The following SLC16A9 variants were observed in gnomAD, a reference collection of about 807,000 sequenced individuals.
The protein encoded by SLC16A9 is monocarboxylate transporter 9.
In SLC16A9, 26 loss-of-function variants were observed where a neutral mutation model predicts 44.3. The ratio of observed to expected loss-of-function variants is 0.59; its 90% CI spans 0.43 to 0.81. The LOEUF (loss-of-function observed/expected upper bound fraction) is 0.81. Among genes scored for constraint, SLC16A9 ranks in the 40% least tolerant of loss-of-function variants. The pLI is 0.00. For synonymous variants in SLC16A9, 230 were observed against 225.1 expected (o/e 1.02, Z -0.19); for missense variants, 559 against 595.8 (o/e 0.94, Z 0.64).
intron 1 of SLC16A9, among the ~76,000 whole-genome samples, chr10:59,689,467 A>G (rs1840207161): frequency 6.6e-6 from 1 of 152,200 alleles, no homozygotes; most frequent in Non-Finnish European, 1.5e-5. Flanking sequence ...AACCCAAGAG[A>G]AGCCAGTAGG....
chr10:59,690,354 G>A (rs1043020638), intron 1 of SLC16A9, among the ~76,000 whole-genome samples: 1 of 152,160 alleles, frequency 6.6e-6, no homozygotes, highest in African/African-American at 2.4e-5. Context: ...ATGTGTACAT[G>A]GGAAGGTGTG....
intron 1 of SLC16A9, among the ~76,000 whole-genome samples, chr10:59,689,694 G>A (rs955584245): frequency 2.6e-5 from 4 of 152,056 alleles, no homozygotes; most frequent in Non-Finnish European, 4.4e-5. Flanking sequence ...TTAAGTTATC[G>A]GTACTCATTT....
At chr10:59,661,001 T>A (rs1287300567) in intron 4 of SLC16A9, among the ~76,000 whole-genome samples, 1 of 152,134 alleles carries the variant, frequency 6.6e-6, no homozygotes, top group African/African-American at 2.4e-5. Context: ...ATGGAACATA[T>A]CTCAAAATAA....
intron 1 of SLC16A9, among the ~76,000 whole-genome samples, chr10:59,687,213 CCTT>C (rs1234572219): frequency 6.6e-6 from 1 of 152,126 alleles, no homozygotes; most frequent in Non-Finnish European, 1.5e-5. Flanking sequence ...CCCCTAATTT[CCTT>C]CTTTTGTCTT....
At chr10:59,704,637 G>A (rs1372307519) in intron 1 of SLC16A9, among the ~76,000 whole-genome samples, 1 of 152,180 alleles carries the variant, frequency 6.6e-6, no homozygotes, top group Non-Finnish European at 1.5e-5. Context: ...GTGAGGGCCA[G>A]ACACTGAGAT....
intron 1 of SLC16A9, among the ~76,000 whole-genome samples, chr10:59,694,603 C>T (rs1840327827): frequency 6.6e-6 from 1 of 151,110 alleles, no homozygotes; most frequent in Non-Finnish European, 1.5e-5. Context: ...GAGTTTAAGA[C>T]CAGCCTGGCC....
intron 1 of SLC16A9, among the ~76,000 whole-genome samples, chr10:59,702,165 A>C (rs1258145900): frequency 6.6e-6 from 1 of 152,228 alleles, no homozygotes; most frequent in East Asian, 1.9e-4. Context: ...AAATGAACTG[A>C]GTGCATTTAG....
intron 3 of SLC16A9, among the ~76,000 whole-genome samples, chr10:59,666,310 A>G (rs866348578): frequency 4.6e-5 from 7 of 151,982 alleles, no homozygotes; most frequent in African/African-American, 9.7e-5. Flanking sequence ...AAAAAAAAAA[A>G]AAAAGAAAAG....
intron 1 of SLC16A9, among the ~76,000 whole-genome samples, chr10:59,696,836 C>G (rs1390950191): frequency 1.3e-5 from 2 of 151,866 alleles, no homozygotes; most frequent in South Asian, 4.2e-4. Flanking sequence ...GGCAGCCACA[C>G]CGTCTGAGAA....
chr10:59,662,980 T>A (rs1839516528), intron 4 of SLC16A9, among the ~76,000 whole-genome samples: 1 of 152,180 alleles, frequency 6.6e-6, no homozygotes, highest in African/African-American at 2.4e-5. Context: ...CACATGCACA[T>A]GTATGTTTAT....
At chr10:59,692,500 G>A (rs1003588226) in intron 1 of SLC16A9, among the ~76,000 whole-genome samples, 1 of 152,222 alleles carries the variant, frequency 6.6e-6, no homozygotes, top group Non-Finnish European at 1.5e-5. Flanking sequence ...ACAACTCTAT[G>A]AACATGCTAA....
intron 2 of SLC16A9, among the ~76,000 whole-genome samples, chr10:59,679,098 G>A (rs1315261204): frequency 6.6e-6 from 1 of 152,100 alleles, no homozygotes; most frequent in Non-Finnish European, 1.5e-5. Context: ...AAAAGGGAGA[G>A]GGCAAGGACT....
chr10:59,666,883 A>C (rs1231371903), intron 3 of SLC16A9, among the ~76,000 whole-genome samples: 2 of 151,802 alleles, frequency 1.3e-5, no homozygotes, highest in East Asian at 1.9e-4. Context: ...AAAAAAAAAA[A>C]AAAAAACACA....
intron 1 of SLC16A9, among the ~76,000 whole-genome samples, chr10:59,700,722 C>T (rs1303024574): frequency 1.3e-5 from 2 of 152,184 alleles, no homozygotes; most frequent in Non-Finnish European, 2.9e-5. Flanking sequence ...TGCTTCCTCA[C>T]CTTCTCATCA....
At chr10:59,684,408 A>T in intron 1 of SLC16A9, 81 bp from the exon 2 acceptor site, 3 of 624,878 alleles carry the variant, frequency 4.8e-6, no homozygotes, top group Non-Finnish European at 7.6e-6. Context: ...ATCTCCTCCT[A>T]AAGTGAAAAA....
chr10:59,682,374 A>T lies in SLC16A9; in HGVS notation c.196+1722T>A, dbSNP rs942808279. ...ATGTAGCCAGTTCTGCCTAAGAGTAAAGAGGGCTGCTCCTGGCTCTTGAGA... is the reference window on the plus strand; with the variant it reads ...ATGTAGCCAGTTCTGCCTAAGAGTATAGAGGGCTGCTCCTGGCTCTTGAGA... On this transcript the variant is annotated intron_variant, in intron 2 of 5. Transcript: ENST00000395348. 7.9e-5 allele frequency among the ~76,000 whole-genome samples: 12 copies of T among 152,286 alleles called. No individual in the cohort carries two copies. In the East Asian group the frequency reaches 2.3e-3, roughly 29 times the overall value.
At chr10:59,695,094 C>A (rs1196264724) in intron 1 of SLC16A9, among the ~76,000 whole-genome samples, 2 of 151,696 alleles carry the variant, frequency 1.3e-5, no homozygotes, top group Non-Finnish European at 2.9e-5. Flanking sequence ...TGTGAAATGT[C>A]CAGAACAGGC....
intron 4 of SLC16A9, among the ~76,000 whole-genome samples, chr10:59,656,232 GAC>G (rs1241058662): frequency 6.6e-6 from 1 of 152,170 alleles, no homozygotes; most frequent in South Asian, 2.1e-4. Flanking sequence ...AAAACACACT[GAC>G]AGAATTAAAA....
intron 2 of SLC16A9, among the ~76,000 whole-genome samples, chr10:59,683,034 C>T (rs1375990647): frequency 6.6e-6 from 1 of 151,998 alleles, no homozygotes; most frequent in Non-Finnish European, 1.5e-5. Context: ...CTTTACAATT[C>T]AGGAGAGAAG....
Sources: gnomAD v4.1 joint callset for allele counts (sites outside exome capture counted in the v4.1 genomes callset) on GRCh38, gnomAD v4.1.1 for gene constraint, MANE v1.5 for transcripts, NCBI Gene and HGNC (gene_info 2026-07-23, HGNC 2026-07-21) for gene names.